Variants in KCNIP4 observed in about 807,000 individuals in gnomAD.
The protein encoded by KCNIP4 is Kv channel-interacting protein 4.
In KCNIP4, 12 loss-of-function variants were observed where a neutral mutation model predicts 34.0. That is an observed-to-expected ratio of 0.35 (90% CI 0.23 to 0.57). KCNIP4 has a LOEUF of 0.57. KCNIP4 is among the 20% of genes least tolerant of loss of function. KCNIP4 has a pLI of 0.83. For missense variants in KCNIP4, 238 were observed against 311.7 expected, an observed-to-expected ratio of 0.76 and a Z score of 1.78; for synonymous variants, 124 against 102.2, an observed-to-expected ratio of 1.21 and a Z score of -1.29.
At chr4:21,864,940 G>A (rs115394105) in intron 1 of KCNIP4, among the ~76,000 whole-genome samples, 2,761 of 152,300 alleles carry the variant, frequency 0.018, 83 homozygotes, top group African/African-American at 0.063. Context: ...TTCAGCACAT[G>A]CCACATGCTG....
At chr4:21,918,801 A>G (rs1348272762) in intron 1 of KCNIP4, among the ~76,000 whole-genome samples, 2 of 152,192 alleles carry the variant, frequency 1.3e-5, no homozygotes, top group Non-Finnish European at 2.9e-5. Flanking sequence ...CATGGGCAAA[A>G]AAATAGACTG....
At chr4:21,219,909 T>G (rs570151803) in intron 1 of KCNIP4, among the ~76,000 whole-genome samples, 28 of 152,318 alleles carry the variant, frequency 1.8e-4, no homozygotes, top group Non-Finnish European at 3.4e-4. Flanking sequence ...GTTCTTCTTC[T>G]GTATAAAATA....
At chr4:20,789,261 A>C (rs1395962891) in intron 3 of KCNIP4, among the ~76,000 whole-genome samples, 1 of 152,146 alleles carries the variant, frequency 6.6e-6, no homozygotes, top group Non-Finnish European at 1.5e-5. Flanking sequence ...CATTTTAAAA[A>C]TTTGGGGCCA....
At chr4:20,885,620 CTCTTT>C (rs1164107480) in intron 1 of KCNIP4, among the ~76,000 whole-genome samples, 2 of 152,196 alleles carry the variant, frequency 1.3e-5, no homozygotes, top group Non-Finnish European at 1.5e-5. Flanking sequence ...ATGAATTAAG[CTCTTT>C]ATTGCAATCT....
At chr4:21,864,898 C>G (rs1443730770) in intron 1 of KCNIP4, among the ~76,000 whole-genome samples, 1 of 152,136 alleles carries the variant, frequency 6.6e-6, no homozygotes, top group Non-Finnish European at 1.5e-5. Context: ...GGGTTTCCTA[C>G]CAGACATATG....
chr4:21,501,715 T>TGCGCGCGC (rs1553893377), intron 1 of KCNIP4, among the ~76,000 whole-genome samples: 3 of 150,732 alleles, frequency 2.0e-5, no homozygotes, highest in African/African-American at 7.3e-5. Context: ...TGTGTGTGTG[T>TGCGCGCGC]GCGTTGGAAG....
intron 1 of KCNIP4, among the ~76,000 whole-genome samples, chr4:21,641,531 T>G (rs2109234363): frequency 6.6e-6 from 1 of 152,264 alleles, no homozygotes; most frequent in Non-Finnish European, 1.5e-5. Context: ...GGTCAAGGAC[T>G]TGGAAGAAAT....
chr4:21,349,882 T>C (rs13110425), intron 1 of KCNIP4, among the ~76,000 whole-genome samples: 29,295 of 152,044 alleles, frequency 0.19, 3,742 homozygotes, highest in Middle Eastern at 0.37. Context: ...TTAACTTTGA[T>C]CCAAAGAGCT....
intron 1 of KCNIP4, among the ~76,000 whole-genome samples, chr4:21,444,777 G>A (rs1727825606): frequency 6.6e-6 from 1 of 152,150 alleles, no homozygotes; most frequent in Non-Finnish European, 1.5e-5. Context: ...TCTGGCCAGG[G>A]CAATCAGGTA....
In KCNIP4 at chr4:21,089,173, G is replaced by A. The variant is rs143381008; in HGVS notation, c.62-206464C>T. ...TTGGATTGTATTCTCCAATGTTGGA[G>A]TAGGGGCCTGGTGGGAGGTAATTAG... On this transcript the variant is annotated intron_variant, in intron 1 of 8. Transcript: ENST00000382152. Among the ~76,000 whole-genome samples, 503 of 152,314 alleles carry A rather than the reference G, an allele frequency of 3.3e-3. 2 individuals carry two copies. The highest frequency in any genetic ancestry group is 0.011 in the African/African-American group (460 of 41,586).
At chr4:21,482,158 T>G (rs1318352869) in intron 1 of KCNIP4, among the ~76,000 whole-genome samples, 4 of 151,968 alleles carry the variant, frequency 2.6e-5, no homozygotes, top group African/African-American at 9.7e-5. Flanking sequence ...GTTTTCCATT[T>G]GCTTGGTAGA....
rs866882634 is a variant in KCNIP4, at chr4:20,803,030, G to A, written c.289-44140C>T. On this transcript the variant is annotated intron_variant, in intron 3 of 8. Transcript: ENST00000382152. ...GCGTAGCATGCAGTGAGCAGAGATC[G>A]CTCCACTGCACTCCAGCCTGGGCTA... Among the ~76,000 whole-genome samples, 21 of 139,320 alleles carry A rather than the reference G, an allele frequency of 1.5e-4. 1 individual carries two copies. In the South Asian group the frequency reaches 1.6e-3, roughly 10 times the overall value. The allele number at this position is 139,320 out of a possible 152,430, so 91.4% of individuals were successfully genotyped here. A position where few individuals can be genotyped will look rare whatever the true frequency, so the allele number is the denominator to read the frequency against.
Position 20,970,236 on chromosome 4 carries a change from C to T in KCNIP4, c.62-87527G>A, listed in dbSNP as rs147093797. Among the ~76,000 whole-genome samples the T allele has an allele frequency of 2.2e-3, 338 of 152,222 alleles. 1 individual carries two copies. The highest frequency in any genetic ancestry group is 7.5e-3 in the African/African-American group (312 of 41,534). The stretch of plus-strand genomic sequence containing the variant: ...GATTACAGGTGTGAGCCACCGCGCC[C>T]GGCCAGCGGTTATTCTTAGAATGGT... On this transcript the variant is annotated intron_variant, in intron 1 of 8. Transcript: ENST00000382152.
intron 1 of KCNIP4, among the ~76,000 whole-genome samples, chr4:20,977,359 C>A (rs1032550164): frequency 6.6e-6 from 1 of 152,076 alleles, no homozygotes; most frequent in African/African-American, 2.4e-5. Context: ...GAGCTCAAAC[C>A]CTGTAATAAG....
chr4:21,071,416 G>A (rs145508506), intron 1 of KCNIP4, among the ~76,000 whole-genome samples: 22 of 152,208 alleles, frequency 1.4e-4, no homozygotes, highest in African/African-American at 3.9e-4. Flanking sequence ...AAATTTGAGC[G>A]TCTTTTTGGG....
At chr4:20,936,437 C>A (rs918094326) in intron 1 of KCNIP4, among the ~76,000 whole-genome samples, 1 of 151,332 alleles carries the variant, frequency 6.6e-6, no homozygotes, top group African/African-American at 2.4e-5. Flanking sequence ...AAAATAAGGC[C>A]CCGTCCTAAA....
At chr4:21,751,495 C>T (rs1717149562) in intron 1 of KCNIP4, among the ~76,000 whole-genome samples, 1 of 152,064 alleles carries the variant, frequency 6.6e-6, no homozygotes, top group Non-Finnish European at 1.5e-5. Flanking sequence ...ATATGACCTC[C>T]TCAAATAAAT....
At chr4:20,887,887 AG>A (rs142926070) in intron 1 of KCNIP4, among the ~76,000 whole-genome samples, 3,300 of 152,248 alleles carry the variant, frequency 0.022, 107 homozygotes, top group African/African-American at 0.075. Context: ...ACAGCAAAAA[AG>A]TATTGTAGAG....
At chr4:21,287,272 A>G (rs898619687) in intron 1 of KCNIP4, among the ~76,000 whole-genome samples, 3 of 152,204 alleles carry the variant, frequency 2.0e-5, no homozygotes, top group African/African-American at 7.2e-5. Context: ...TAAAATAAGT[A>G]TCATTTACAT....
Sources: allele counts gnomAD v4.1 joint callset (sites outside exome capture counted in the v4.1 genomes callset), GRCh38; gene constraint gnomAD v4.1.1; transcripts MANE v1.5; gene names NCBI Gene and HGNC (gene_info 2026-07-23, HGNC 2026-07-21).